Variants in TCF12 observed in about 807,000 individuals in gnomAD.
TCF12 encodes transcription factor 12.
Under a neutral mutation model 86.0 loss-of-function variants are expected in TCF12, and 45 were observed. That is an observed-to-expected ratio of 0.52 (90% CI 0.41 to 0.67). TCF12 has a LOEUF of 0.67. Among genes scored for constraint, TCF12 ranks in the 30% least tolerant of loss-of-function variants. The probability of loss-of-function intolerance (pLI) is 0.00; values close to 1 mark genes in which losing one functional copy is unlikely to be tolerated. For synonymous variants in TCF12, 330 were observed against 299.6 expected (o/e 1.10, Z -1.05); for missense variants, 881 against 859.9 (o/e 1.02, Z -0.31).
At chr15:57,219,511 T>C in intron 8 of TCF12, 1 of 1,610,424 alleles carries the variant, frequency 6.2e-7, no homozygotes, top group East Asian at 2.2e-5. Flanking sequence ...AGTAACATTT[T>C]CAAAATCAAC....
intron 18 of TCF12, among the ~76,000 whole-genome samples, chr15:57,264,195 C>CTTTTTGTTTTTTT (rs2060728964): frequency 2.0e-5 from 1 of 50,698 alleles, no homozygotes; most frequent in Admixed American, 3.8e-4. Flanking sequence ...CTTTTGTAAG[C>CTTTTTGTTTTTTT]TTTTTTTTTT....
At chr15:57,146,279 G>A (rs2053358160) in intron 5 of TCF12, among the ~76,000 whole-genome samples, 2 of 152,022 alleles carry the variant, frequency 1.3e-5, no homozygotes, top group Admixed American at 6.6e-5. Flanking sequence ...ACTGATAGTA[G>A]CAAGGTTTTT....
At chr15:56,984,354 T>C (rs1019289145) in intron 3 of TCF12, among the ~76,000 whole-genome samples, 2 of 150,644 alleles carry the variant, frequency 1.3e-5, no homozygotes, top group Non-Finnish European at 3.0e-5. Context: ...TAACCGGGCC[T>C]GTTAGCATTG....
rs1480838955 is a variant in TCF12 at position 57,141,512 on chromosome 15, A to T, written c.326-24890A>T. Reference sequence around the variant, plus strand: ...TTACAGGCATGCGCCACCACGCCCAACTAATTTTGTATTTTTAGTAGAGGT... The same window carrying T: ...TTACAGGCATGCGCCACCACGCCCATCTAATTTTGTATTTTTAGTAGAGGT... On this transcript the variant is annotated intron_variant, in intron 5 of 20. Coordinates refer to ENST00000333725, the MANE Select transcript of TCF12 (RefSeq NM_207037.2). Among the ~76,000 whole-genome samples the T allele has an allele frequency of 3.3e-5, 5 of 151,954 alleles. No individual in the cohort carries two copies. In the East Asian group the frequency reaches 9.7e-4, roughly 29 times the overall value.
chr15:57,264,696 G>T (rs1422412159), intron 18 of TCF12, among the ~76,000 whole-genome samples: 1 of 152,066 alleles, frequency 6.6e-6, no homozygotes, highest in Non-Finnish European at 1.5e-5. Context: ...TAACATGCAG[G>T]AAGCTGTCTC....
rs573984364 is a variant in TCF12 at position 57,011,939 on chromosome 15, T to C, written c.149-51811T>C. 5.9e-5 allele frequency among the ~76,000 whole-genome samples: 9 copies of C among 152,360 alleles called. No individual in the cohort carries two copies. The South Asian group carries it at 1.2e-3, about 21-fold the overall frequency. ...ATGTGTTTTCCTACATTTCTTCATG[T>C]AATTAATTCATATTCTAACCTTGCT... On this transcript the variant is annotated intron_variant, in intron 3 of 20. Coordinates refer to ENST00000333725, the MANE Select transcript of TCF12 (RefSeq NM_207037.2).
intron 3 of TCF12, among the ~76,000 whole-genome samples, chr15:57,006,709 G>C (rs1310297282): frequency 4.0e-5 from 6 of 151,886 alleles, no homozygotes; most frequent in African/African-American, 1.5e-4. Context: ...TTGAGCTTAG[G>C]AGTTTAAGAC....
intron 4 of TCF12, among the ~76,000 whole-genome samples, chr15:57,077,864 A>C (rs1233390487): frequency 2.6e-5 from 4 of 151,874 alleles, no homozygotes; most frequent in African/African-American, 9.7e-5. Flanking sequence ...TGTGAATAAT[A>C]TTTTCTTCTT....
intron 7 of TCF12, among the ~76,000 whole-genome samples, chr15:57,193,422 G>A (rs7161965): frequency 0.39 from 58,898 of 151,936 alleles, 14,240 homozygotes; most frequent in Non-Finnish European, 0.53. Context: ...TTTTTCATTA[G>A]CTCCCTTCTT....
chr15:57,176,372 A>G lies in TCF12; in HGVS notation c.390+9906A>G, dbSNP rs576434395. On this transcript the variant is annotated intron_variant, in intron 6 of 20. Transcript: ENST00000333725. ...GTGCTTCAACTTTTATTCTAATACT[A>G]CCCAGCAAACTACATGTATAAGCAC... 2.0e-5 allele frequency among the ~76,000 whole-genome samples: 3 copies of G among 152,308 alleles called. No individual in the cohort carries two copies. In the South Asian group the frequency reaches 6.2e-4, roughly 32 times the overall value.
intron 3 of TCF12, among the ~76,000 whole-genome samples, chr15:56,969,503 G>C (rs2062178469): frequency 6.7e-6 from 1 of 150,176 alleles, no homozygotes; most frequent in Non-Finnish European, 1.5e-5. Flanking sequence ...ACCACGTTTA[G>C]ATACACTATA....
chr15:57,125,267 A>G (rs1362876176), intron 5 of TCF12, among the ~76,000 whole-genome samples: 1 of 152,184 alleles, frequency 6.6e-6, no homozygotes, highest in Non-Finnish European at 1.5e-5. Context: ...GTTCTCCTTT[A>G]TCCAGTGGTA....
rs1488797644 is a variant in TCF12 at position 57,287,243 on chromosome 15, G to A, written c.*1098G>A. On this transcript the variant is annotated 3_prime_UTR_variant, in exon 21 of 21. Coordinates refer to ENST00000333725, the MANE Select transcript of TCF12 (RefSeq NM_207037.2). ...ATTATGGTGAACATAACAAAACCCAGTAGTCACCAAGGCAGGTAGTGTGAT... is the reference window on the plus strand; with the variant it reads ...ATTATGGTGAACATAACAAAACCCAATAGTCACCAAGGCAGGTAGTGTGAT... 6.5e-6 allele frequency: 1 copy of A among 153,120 alleles called. No individual in the cohort carries two copies. The highest frequency in any genetic ancestry group is 1.5e-5 in the Non-Finnish European group (1 of 68,394). The allele number at this position is 153,120 out of a possible 1,614,324, so 9.5% of individuals were successfully genotyped here.
chr15:57,174,332 T>C (rs1398637934), intron 6 of TCF12, among the ~76,000 whole-genome samples: 1 of 152,180 alleles, frequency 6.6e-6, no homozygotes, highest in Non-Finnish European at 1.5e-5. Context: ...ATCATTTCCA[T>C]AGATACAGAA....
At chr15:57,011,123 G>A (rs1267021513) in intron 3 of TCF12, among the ~76,000 whole-genome samples, 1 of 152,090 alleles carries the variant, frequency 6.6e-6, no homozygotes, top group African/African-American at 2.4e-5. Flanking sequence ...AAAATTAAAT[G>A]CTGAAGAAAC....
intron 4 of TCF12, among the ~76,000 whole-genome samples, chr15:57,088,141 A>G (rs1220572197): frequency 6.6e-6 from 1 of 152,032 alleles, no homozygotes. Flanking sequence ...CAACTTAACC[A>G]TTGTTTGCTT....
At chr15:57,168,317 A>G (rs2055053748) in intron 6 of TCF12, among the ~76,000 whole-genome samples, 1 of 152,240 alleles carries the variant, frequency 6.6e-6, no homozygotes, top group Non-Finnish European at 1.5e-5. Flanking sequence ...GAACCACAGA[A>G]TATAAGTGCT....
Position 57,197,767 on chromosome 15 carries a change from C to T in TCF12, c.527-6C>T, listed in dbSNP as rs936573930. 1.2e-6 allele frequency: 2 copies of T among 1,613,930 alleles called. No individual in the cohort carries two copies. ...GCTGAAGAAATGTATTGTTTTCCAT[C>T]TGCAGATCCCTTGCAAGCAAAAAAA... On this transcript the variant is annotated splice_region_variant and splice_polypyrimidine_tract_variant and intron_variant, in intron 7 of 20. Coordinates refer to ENST00000333725, the MANE Select transcript of TCF12 (RefSeq NM_207037.2).
At chr15:57,081,210 G>A (rs1401512609) in intron 4 of TCF12, among the ~76,000 whole-genome samples, 1 of 152,126 alleles carries the variant, frequency 6.6e-6, no homozygotes, top group South Asian at 2.1e-4. Flanking sequence ...TGTTTGAACA[G>A]ATTTATTCTT....
Sources: gnomAD v4.1 joint callset for allele counts (sites outside exome capture counted in the v4.1 genomes callset) on GRCh38, gnomAD v4.1.1 for gene constraint, MANE v1.5 for transcripts, NCBI Gene and HGNC (gene_info 2026-07-23, HGNC 2026-07-21) for gene names.